The following XRCC4 variants were observed in gnomAD, a reference collection of about 807,000 sequenced individuals.
XRCC4 encodes the protein X-ray repair cross complementing 4, also known as DNA repair protein XRCC4.
In XRCC4, 28 loss-of-function variants were observed where a neutral mutation model predicts 39.1. The observed-to-expected ratio is 0.72, with a 90% confidence interval of 0.53 to 0.98. The LOEUF (loss-of-function observed/expected upper bound fraction) is 0.98, where lower values mean the gene tolerates loss of function less well. XRCC4 is among the 50% of genes least tolerant of loss of function. The probability of loss-of-function intolerance (pLI) is 0.00; values close to 1 mark genes in which losing one functional copy is unlikely to be tolerated. For missense variants in XRCC4, 350 were observed against 376.4 expected, an observed-to-expected ratio of 0.93 and a Z score of 0.58; for synonymous variants, 123 against 126.4, an observed-to-expected ratio of 0.97 and a Z score of 0.18.
At chr5:83,138,348 C>G (rs1002006285) in intron 3 of XRCC4, among the ~76,000 whole-genome samples, 2 of 152,104 alleles carry the variant, frequency 1.3e-5, no homozygotes, top group Admixed American at 1.3e-4. Flanking sequence ...TTTACTATAT[C>G]TGGAGTCTAA....
At chr5:83,135,463 A>G (rs1357691234) in intron 3 of XRCC4, among the ~76,000 whole-genome samples, 2 of 151,654 alleles carry the variant, frequency 1.3e-5, no homozygotes, top group East Asian at 1.9e-4. Flanking sequence ...GTTGATTATA[A>G]TATGCCATGA....
chr5:83,372,018 G>C, the XRCC4 span, among the ~76,000 whole-genome samples: 1 of 152,150 alleles, frequency 6.6e-6, no homozygotes, highest in Non-Finnish European at 1.5e-5. Context: ...TAACTATATT[G>C]GTAGATTTTG....
the XRCC4 span, among the ~76,000 whole-genome samples, chr5:83,365,007 C>G: frequency 6.6e-6 from 1 of 152,124 alleles, no homozygotes; most frequent in Admixed American, 6.5e-5. Flanking sequence ...TTCTAGAACC[C>G]TGTATGCAGA....
At chr5:83,118,643 C>T (rs1217719309) in intron 3 of XRCC4, among the ~76,000 whole-genome samples, 2 of 152,170 alleles carry the variant, frequency 1.3e-5, no homozygotes, top group Admixed American at 6.5e-5. Flanking sequence ...TTGCTCACGT[C>T]CCATTGGCCA....
rs1746423096 is a variant in XRCC4, at chr5:83,111,107, ATTG to A, written c.224_226del (p.Leu75del). On this transcript the variant is annotated inframe_deletion, in exon 3 of 8. Coordinates refer to ENST00000396027, the MANE Select transcript of XRCC4 (RefSeq NM_003401.5). ...AATATGTTGGTGAACTGAGAAAAGC[ATTG>A]TTGTCAGGAGCAGGACCAGCTGATG... The A allele has an allele frequency of 6.2e-7, 1 of 1,611,944 alleles. No individual in the cohort carries two copies. Among genetic ancestry groups the A allele is most frequent in the South Asian group, 1.1e-5 (1 of 90,844 alleles).
intron 3 of XRCC4, among the ~76,000 whole-genome samples, chr5:83,174,419 T>C (rs961588724): frequency 3.9e-5 from 6 of 152,174 alleles, no homozygotes; most frequent in Non-Finnish European, 7.3e-5. Context: ...TATCTTAATA[T>C]AGACTATATT....
At chr5:83,276,262 G>A (rs1199148919) in intron 7 of XRCC4, among the ~76,000 whole-genome samples, 1 of 152,092 alleles carries the variant, frequency 6.6e-6, no homozygotes, top group Non-Finnish European at 1.5e-5. Flanking sequence ...AAAGTGCTCT[G>A]AGCATTTCTA....
chr5:83,299,115 C>G (rs908464282), intron 7 of XRCC4, among the ~76,000 whole-genome samples: 1 of 151,910 alleles, frequency 6.6e-6, no homozygotes, highest in Admixed American at 6.6e-5. Context: ...AATGAAGTTC[C>G]ACTGGAAGCA....
chr5:83,092,335 T>C (rs1372464885), intron 1 of XRCC4, among the ~76,000 whole-genome samples: 2 of 152,300 alleles, frequency 1.3e-5, no homozygotes, highest in East Asian at 3.9e-4. Context: ...ATTGTTTCCT[T>C]TGATGTGCAG....
intron 7 of XRCC4, among the ~76,000 whole-genome samples, chr5:83,330,655 G>A (rs1373410651): frequency 2.0e-5 from 3 of 151,790 alleles, no homozygotes; most frequent in African/African-American, 7.3e-5. Flanking sequence ...GTTCTTAGGT[G>A]GTAGCTTTGC....
intron 6 of XRCC4, among the ~76,000 whole-genome samples, chr5:83,244,882 A>G (rs1291975598): frequency 6.6e-6 from 1 of 152,240 alleles, no homozygotes; most frequent in East Asian, 1.9e-4. Context: ...CATCTTAAAC[A>G]TAAGTTTGGC....
chr5:83,127,602 C>G (rs757772122), intron 3 of XRCC4, among the ~76,000 whole-genome samples: 6 of 151,816 alleles, frequency 4.0e-5, no homozygotes, highest in Non-Finnish European at 8.8e-5. Context: ...ATGTCTTTAT[C>G]AGCAGTATGA....
intron 1 of XRCC4, among the ~76,000 whole-genome samples, chr5:83,080,723 G>C (rs995736297): frequency 5.3e-5 from 8 of 152,134 alleles, no homozygotes; most frequent in African/African-American, 1.9e-4. Context: ...TGGTATCACA[G>C]TGCGTGTGTT....
At chr5:83,336,906 A>T (rs945030517) in intron 7 of XRCC4, among the ~76,000 whole-genome samples, 1 of 152,208 alleles carries the variant, frequency 6.6e-6, no homozygotes, top group African/African-American at 2.4e-5. Context: ...AAACTACTTG[A>T]AAATAAACAA....
chr5:83,330,225 G>T (rs1580519747), intron 7 of XRCC4, among the ~76,000 whole-genome samples: 1 of 152,042 alleles, frequency 6.6e-6, no homozygotes, highest in East Asian at 1.9e-4. Flanking sequence ...CACTACTAAA[G>T]GAAGTGGAAA....
At chr5:83,130,886 G>T (rs886644109) in intron 3 of XRCC4, among the ~76,000 whole-genome samples, 2 of 151,936 alleles carry the variant, frequency 1.3e-5, no homozygotes, top group Non-Finnish European at 2.9e-5. Context: ...CTTGCTAGTG[G>T]TCTATCAGTT....
intron 7 of XRCC4, among the ~76,000 whole-genome samples, chr5:83,279,145 A>T (rs1420700044): frequency 6.7e-6 from 1 of 149,372 alleles, no homozygotes; most frequent in East Asian, 1.9e-4. Flanking sequence ...ATTGAAAGTG[A>T]ATACACACAA....
intron 7 of XRCC4, among the ~76,000 whole-genome samples, chr5:83,305,840 TAA>T (rs952355916): frequency 6.6e-6 from 1 of 152,090 alleles, no homozygotes; most frequent in Non-Finnish European, 1.5e-5. Flanking sequence ...CATAATCCAT[TAA>T]AAGAGAGAAA....
chr5:83,160,020 G>T (rs1414988645), intron 3 of XRCC4, among the ~76,000 whole-genome samples: 1 of 152,028 alleles, frequency 6.6e-6, no homozygotes, highest in Non-Finnish European at 1.5e-5. Context: ...ATTTAAAAGA[G>T]ATCTTAGTTT....
Sources: gnomAD v4.1 joint callset for allele counts (sites outside exome capture counted in the v4.1 genomes callset) on GRCh38, gnomAD v4.1.1 for gene constraint, MANE v1.5 for transcripts, NCBI Gene and HGNC (gene_info 2026-07-23, HGNC 2026-07-21) for gene names.